Variants in BMPR2 observed in about 807,000 individuals in gnomAD.
The protein encoded by BMPR2 is bone morphogenetic protein receptor type-2.
A neutral mutation model predicts 100.8 loss-of-function variants in BMPR2; 29 were observed. The ratio of observed to expected loss-of-function variants is 0.29; its 90% CI spans 0.21 to 0.39. BMPR2 has a LOEUF of 0.39. BMPR2 is among the 10% of genes least tolerant of loss of function. The pLI is 1.00. For synonymous variants in BMPR2, 382 were observed against 442.3 expected, an observed-to-expected ratio of 0.86 and a Z score of 1.71; for missense variants, 1,011 against 1,274.5, an observed-to-expected ratio of 0.79 and a Z score of 3.15.
chr2:202,422,096 A>C (rs1691275330), intron 1 of BMPR2, among the ~76,000 whole-genome samples: 1 of 151,928 alleles, frequency 6.6e-6, no homozygotes, highest in South Asian at 2.1e-4. Context: ...TTTAGTAGAG[A>C]CAGGGTTTCA....
rs577924371 is a variant in BMPR2, at chr2:202,388,426, T to C, written c.76+10876T>C. Among the ~76,000 whole-genome samples, 9 of 145,738 alleles carry C rather than the reference T, an allele frequency of 6.2e-5. No individual in the cohort carries two copies. In the East Asian group the frequency reaches 1.8e-3, roughly 29 times the overall value. On this transcript the variant is annotated intron_variant, in intron 1 of 12. Coordinates refer to ENST00000374580, the MANE Select transcript of BMPR2 (RefSeq NM_001204.7). ...AAAAAAAAAAAAAAAAAAAACATTG[T>C]TTGTCCATATACTTAGGTTTGTAAG...
At chr2:202,413,976 T>G in intron 1 of BMPR2, among the ~76,000 whole-genome samples, 1 of 152,218 alleles carries the variant, frequency 6.6e-6, no homozygotes, top group African/African-American at 2.4e-5. Flanking sequence ...ATATTATTAA[T>G]ATATGTTTCA....
At position 202,383,850 on chromosome 2, in the gene BMPR2, CA is replaced by C. The variant is rs995434945; in HGVS notation, c.76+6313del. On this transcript the variant is annotated intron_variant, in intron 1 of 12. Coordinates refer to ENST00000374580, the MANE Select transcript of BMPR2 (RefSeq NM_001204.7). ...TGGGTGACAGGGCGAGACTCCATCTCAAAAAAAAAAAAATTACTATTTTCAA... is the reference window on the plus strand; with the variant it reads ...TGGGTGACAGGGCGAGACTCCATCTCAAAAAAAAAAAATTACTATTTTCAA... Among the ~76,000 whole-genome samples, 156 of 139,304 alleles carry C rather than the reference CA, an allele frequency of 1.1e-3. 1 individual carries two copies. Among genetic ancestry groups the C allele is most frequent in the South Asian group, 2.3e-3 (10 of 4,376 alleles). 91.4% of individuals were successfully genotyped at this position (139,304 alleles called of 152,430 possible).
At chr2:202,546,398 A>G (rs921308043) in intron 10 of BMPR2, among the ~76,000 whole-genome samples, 3 of 152,340 alleles carry the variant, frequency 2.0e-5, no homozygotes, top group East Asian at 3.9e-4. Flanking sequence ...GGACTCAAGC[A>G]TAGTTTAGTC....
intron 1 of BMPR2, among the ~76,000 whole-genome samples, chr2:202,443,052 T>C (rs1691778789): frequency 6.6e-6 from 1 of 150,498 alleles, no homozygotes; most frequent in Admixed American, 6.6e-5. Context: ...ATAGGGCTGG[T>C]TCCTTTATAA....
intron 1 of BMPR2, among the ~76,000 whole-genome samples, chr2:202,425,669 A>C (rs946354994): frequency 3.9e-5 from 6 of 152,230 alleles, no homozygotes; most frequent in Admixed American, 1.3e-4. Flanking sequence ...CAAAAATCCA[A>C]GTTGGCAAAA....
chr2:202,417,787 C>G (rs565354898), intron 1 of BMPR2, among the ~76,000 whole-genome samples: 1 of 151,208 alleles, frequency 6.6e-6, no homozygotes, highest in Non-Finnish European at 1.5e-5. Flanking sequence ...GCTGCCATCT[C>G]GGCTCACTGC....
At chr2:202,410,250 G>T (rs899311676) in intron 1 of BMPR2, among the ~76,000 whole-genome samples, 3 of 151,914 alleles carry the variant, frequency 2.0e-5, no homozygotes, top group African/African-American at 7.3e-5. Context: ...TTCCCAAGAT[G>T]CTGGGATTAC....
intron 9 of BMPR2, among the ~76,000 whole-genome samples, chr2:202,533,589 C>T (rs1464090403): frequency 6.6e-6 from 1 of 151,964 alleles, no homozygotes. Flanking sequence ...CTTTGGGAGG[C>T]CAAGGCAGGC....
chr2:202,456,233 T>C (rs1475488496), intron 1 of BMPR2, among the ~76,000 whole-genome samples: 1 of 151,238 alleles, frequency 6.6e-6, no homozygotes, highest in African/African-American at 2.4e-5. Context: ...GTGCAATGGC[T>C]CAATCTCGGC....
chr2:202,500,779 T>C (rs1048755303), intron 3 of BMPR2, among the ~76,000 whole-genome samples: 1 of 152,146 alleles, frequency 6.6e-6, no homozygotes, highest in African/African-American at 2.4e-5. Flanking sequence ...CCAACCCCTA[T>C]ACCCTGCTCT....
chr2:202,540,865 C>T (rs1295067261), intron 9 of BMPR2, among the ~76,000 whole-genome samples: 1 of 151,980 alleles, frequency 6.6e-6, no homozygotes, highest in Non-Finnish European at 1.5e-5. Flanking sequence ...TCTAATTTAT[C>T]TTGTCATTTT....
Position 202,555,365 on chromosome 2 carries a change from C to G in BMPR2, c.1700C>G (p.Ser567Cys). 1 of 1,614,094 alleles carries G rather than the reference C, an allele frequency of 6.2e-7. No individual in the cohort carries two copies. Among genetic ancestry groups the G allele is most frequent in the South Asian group, 1.1e-5 (1 of 91,088 alleles). ...ACTGACAGCATCGTGAAGAATATTT[C>G]CTCTGAGCATTCTATGTCCAGCACA... ...HHTDSIVKNI[S>C]SEHSMSSTPL... is the part of the protein sequence containing the mutation. The change falls in exon 12 of 13, where the codon TCC becomes TGC. Residue 567 changes from serine (S) to cysteine (C), a missense_variant. By Grantham distance (112) the Ser-to-Cys change is moderately radical. Coordinates refer to ENST00000374580, the MANE Select transcript of BMPR2 (RefSeq NM_001204.7).
chr2:202,513,906 G>A (rs1210059157), intron 4 of BMPR2, 77 bp downstream of exon 4: 14 of 1,168,068 alleles, frequency 1.2e-5, no homozygotes, highest in South Asian at 2.6e-5. Flanking sequence ...TTTAAATTCC[G>A]TATGTTAAAA....
rs543899800 is a variant in BMPR2, at chr2:202,510,717, C to G, written c.419-3002C>G. 5.3e-5 allele frequency among the ~76,000 whole-genome samples: 8 copies of G among 151,564 alleles called. No individual in the cohort carries two copies. In the South Asian group the frequency reaches 1.7e-3, roughly 32 times the overall value. Reference sequence around the variant, plus strand: ...TGCTTTTGAGACGGAGTCTTGCTTTCTCACCCAGGCTGGAGTGCAATGGCA... The same window carrying G: ...TGCTTTTGAGACGGAGTCTTGCTTTGTCACCCAGGCTGGAGTGCAATGGCA... On this transcript the variant is annotated intron_variant, in intron 3 of 12. Coordinates refer to ENST00000374580, the MANE Select transcript of BMPR2 (RefSeq NM_001204.7).
chr2:202,398,217 C>T (rs1690692645), intron 1 of BMPR2, among the ~76,000 whole-genome samples: 1 of 151,958 alleles, frequency 6.6e-6, no homozygotes, highest in Admixed American at 6.6e-5. Flanking sequence ...CTGTGATCTA[C>T]TTAAATGAGA....
At chr2:202,473,336 GATGGGAGGATCACTTGAGT>G (rs1296629827) in intron 3 of BMPR2, among the ~76,000 whole-genome samples, 9 of 152,224 alleles carry the variant, frequency 5.9e-5, no homozygotes, top group South Asian at 4.2e-4. Flanking sequence ...GGGAGGCTGA[GATGGGAGGATCACTTGAGT>G]ATGGGAGGAT....
rs981008230 is a variant in BMPR2, at chr2:202,563,196, G to C, written c.*3250G>C. The stretch of plus-strand genomic sequence containing the variant: ...TGCCTATAATCCCCGCACTTTGGGA[G>C]GCCGAGCCGGGTGGATCATGAGGTC... On this transcript the variant is annotated 3_prime_UTR_variant, in exon 13 of 13. Transcript: ENST00000374580. 1.1e-4 allele frequency: 17 copies of C among 152,228 alleles called. No individual in the cohort carries two copies. The highest frequency in any genetic ancestry group is 4.1e-4 in the African/African-American group (17 of 41,450). The allele number at this position is 152,228 out of a possible 1,614,324, so 9.4% of individuals were successfully genotyped here. A position where few individuals can be genotyped will look rare whatever the true frequency, so the allele number is the denominator to read the frequency against.
intron 9 of BMPR2, among the ~76,000 whole-genome samples, chr2:202,541,253 C>A (rs1484043895): frequency 6.6e-6 from 1 of 151,960 alleles, no homozygotes; most frequent in Non-Finnish European, 1.5e-5. Context: ...CCAGCCTGGG[C>A]AACACGGCAA....
Sources: gnomAD v4.1 joint callset for allele counts (sites outside exome capture counted in the v4.1 genomes callset) on GRCh38, gnomAD v4.1.1 for gene constraint, MANE v1.5 for transcripts, NCBI Gene and HGNC (gene_info 2026-07-23, HGNC 2026-07-21) for gene names.